CHD9: variants seen among roughly 807,000 people sequenced by gnomAD.
CHD9 encodes ATP-dependent chromatin remodeler CHD9.
CHD9 carries 77 observed loss-of-function variants against 316.1 expected under a neutral mutation model. The ratio of observed to expected loss-of-function variants is 0.24; its 90% confidence interval spans 0.20 to 0.29. The LOEUF (loss-of-function observed/expected upper bound fraction) is 0.29, where lower values mean the gene tolerates loss of function less well. CHD9 is among the 10% of genes least tolerant of loss of function. CHD9 has a pLI of 1.00. For synonymous variants in CHD9, 1,129 were observed against 1,158.3 expected (o/e 0.97, Z 0.51); for missense variants, 2,763 against 3,438.1 (o/e 0.80, Z 4.91).
At chr16:53,070,199 A>C (rs1032456734) in intron 1 of CHD9, among the ~76,000 whole-genome samples, 29 of 151,904 alleles carry the variant, frequency 1.9e-4, no homozygotes, top group African/African-American at 6.0e-4. Flanking sequence ...TTCTCTGTGG[A>C]TTGCCTTTTT....
chr16:53,156,105 A>T lies in CHD9; in HGVS notation c.16A>T (p.Met6Leu). The T allele has an allele frequency of 6.2e-7, 1 of 1,612,728 alleles. No homozygotes were observed. The highest frequency in any genetic ancestry group is 8.5e-7 in the Non-Finnish European group (1 of 1,179,200). Reference protein sequence around the residue: MTDPMMDFFDDANLFG... With the variant: MTDPMLDFFDDANLFG... ...AATTTTCAAGATGACAGATCCAATG[A>T]TGGACTTTTTTGATGATGCCAATCT... is the stretch of plus-strand genomic sequence containing the variant. Residue 6 changes from methionine (M) to leucine (L), a missense_variant, in exon 2 of 39, where the codon ATG (methionine) becomes TTG (leucine). Met to Leu is a conservative substitution (Grantham distance 15, BLOSUM62 2). Coordinates refer to ENST00000447540, the MANE Select transcript of CHD9 (RefSeq NM_001308319.2).
At chr16:53,091,762 T>C (rs2035962061) in intron 1 of CHD9, among the ~76,000 whole-genome samples, 1 of 152,124 alleles carries the variant, frequency 6.6e-6, no homozygotes, top group Non-Finnish European at 1.5e-5. Flanking sequence ...TCAAGGACTG[T>C]TTTCTGAACT....
At chr16:53,150,129 TTC>T (rs1403603364) in intron 1 of CHD9, among the ~76,000 whole-genome samples, 2 of 152,110 alleles carry the variant, frequency 1.3e-5, no homozygotes, top group Non-Finnish European at 2.9e-5. Context: ...GAAAACATAC[TTC>T]TGTTATTTTG....
At chr16:53,148,364 C>T (rs954731835) in intron 1 of CHD9, among the ~76,000 whole-genome samples, 5 of 152,214 alleles carry the variant, frequency 3.3e-5, no homozygotes, top group Admixed American at 2.6e-4. Context: ...GCCTCAGCTT[C>T]CTGAGTAGCT....
chr16:53,240,954 A>T (rs1313482537), intron 12 of CHD9, among the ~76,000 whole-genome samples: 5 of 152,178 alleles, frequency 3.3e-5, no homozygotes, highest in Non-Finnish European at 7.4e-5. Context: ...AATCAGATTC[A>T]AGAGCCCTTG....
chr16:53,131,543 GCCC>G (rs961097111), intron 1 of CHD9, among the ~76,000 whole-genome samples: 1 of 151,100 alleles, frequency 6.6e-6, no homozygotes, highest in South Asian at 2.1e-4. Flanking sequence ...CCGGCCCACA[GCCC>G]CCGGGGTCGG....
At chr16:53,109,131 C>T (rs2037623718) in intron 1 of CHD9, among the ~76,000 whole-genome samples, 1 of 152,114 alleles carries the variant, frequency 6.6e-6, no homozygotes, top group Non-Finnish European at 1.5e-5. Context: ...CATGCCATGC[C>T]CGGTTGCCCT....
intron 11 of CHD9, among the ~76,000 whole-genome samples, chr16:53,236,219 C>T (rs996905693): frequency 6.6e-6 from 1 of 152,042 alleles, no homozygotes; most frequent in African/African-American, 2.4e-5. Context: ...CCTATATTGC[C>T]TGTTTTAACT....
chr16:53,083,697 T>C (rs1372827312), intron 1 of CHD9, among the ~76,000 whole-genome samples: 1 of 151,990 alleles, frequency 6.6e-6, no homozygotes, highest in Non-Finnish European at 1.5e-5. Context: ...ACAGAAGTTG[T>C]CCTTGAAACT....
chr16:53,121,620 T>G (rs896426893), intron 1 of CHD9: 14 of 338,948 alleles, frequency 4.1e-5, no homozygotes, highest in African/African-American at 2.6e-4. Context: ...GCTGAACATA[T>G]CCCTTGGATG....
chr16:53,170,145 G>A (rs969093807), intron 2 of CHD9, among the ~76,000 whole-genome samples: 2 of 151,492 alleles, frequency 1.3e-5, no homozygotes, highest in African/African-American at 4.9e-5. Context: ...CCCATTATTG[G>A]TGATGCTTGA....
rs146117145 is a variant in CHD9 at position 53,088,338 on chromosome 16, C to T, written c.-165+33261C>T. On this transcript the variant is annotated intron_variant, in intron 1 of 38. Transcript: ENST00000447540. ...TGTCGCCCAGGCTGGAGTGCAGTGGCGCGATCTCAGCTCACTGCCAGCTCC... is the reference window on the plus strand; with the variant it reads ...TGTCGCCCAGGCTGGAGTGCAGTGGTGCGATCTCAGCTCACTGCCAGCTCC... 9.7e-3 allele frequency among the ~76,000 whole-genome samples: 1,324 copies of T among 136,134 alleles called. 7 individuals carry two copies. The highest frequency in any genetic ancestry group is 0.044 in the Middle Eastern group (9 of 206). The allele number at this position is 136,134 out of a possible 152,430, so 89.3% of individuals were successfully genotyped here. A position where few individuals can be genotyped will look rare whatever the true frequency, so the allele number is the denominator to read the frequency against.
intron 25 of CHD9, 32 bp from the exon 26 acceptor site, chr16:53,286,194 T>A (rs769753347): frequency 1.5e-6 from 2 of 1,303,454 alleles, no homozygotes; most frequent in East Asian, 2.3e-5. Context: ...TCTTTTTATC[T>A]TTTTTACTTT....
chr16:53,298,112 T>A (rs2054970954), intron 30 of CHD9: 1 of 152,138 alleles, frequency 6.6e-6, no homozygotes, highest in Non-Finnish European at 1.5e-5. Flanking sequence ...TACTAAATAA[T>A]CATTGAAAAT....
intron 1 of CHD9, among the ~76,000 whole-genome samples, chr16:53,078,586 C>T (rs2034753274): frequency 6.6e-6 from 1 of 152,114 alleles, no homozygotes; most frequent in South Asian, 2.1e-4. Flanking sequence ...ATTATTTGAT[C>T]ATGTCTACTT....
intron 1 of CHD9, chr16:53,121,371 C>T (rs1346285504): frequency 6.6e-6 from 3 of 455,868 alleles, no homozygotes; most frequent in Admixed American, 2.4e-5. Context: ...ATGAGATGCT[C>T]GGGGATATTT....
At chr16:53,253,005 C>CA (rs1481853117) in intron 17 of CHD9, among the ~76,000 whole-genome samples, 6 of 152,066 alleles carry the variant, frequency 3.9e-5, no homozygotes, top group African/African-American at 1.4e-4. Context: ...CCTTAAAGAA[C>CA]AAAAAGTAGA....
chr16:53,110,973 T>G (rs540586343), intron 1 of CHD9, among the ~76,000 whole-genome samples: 42 of 152,276 alleles, frequency 2.8e-4, no homozygotes, highest in African/African-American at 8.7e-4. Flanking sequence ...GTACATTTTT[T>G]GGGGAGTTGA....
At chr16:53,303,266 C>G (rs2055624714) in intron 30 of CHD9, among the ~76,000 whole-genome samples, 1 of 151,218 alleles carries the variant, frequency 6.6e-6, no homozygotes, top group African/African-American at 2.4e-5. Context: ...AATACAATTC[C>G]TCTTACAATG....
Sources: allele counts gnomAD v4.1 joint callset (sites outside exome capture counted in the v4.1 genomes callset), GRCh38; gene constraint gnomAD v4.1.1; transcripts MANE v1.5; gene names NCBI Gene and HGNC (gene_info 2026-07-23, HGNC 2026-07-21).